Variants in TDP1 observed in about 807,000 individuals in gnomAD.
The protein encoded by TDP1 is tyr-DNA phosphodiesterase 1.
Under a neutral mutation model 81.5 loss-of-function variants are expected in TDP1, and 64 were observed. The observed-to-expected ratio is 0.79, with a 90% CI of 0.64 to 0.97. TDP1 has a LOEUF of 0.97. Among genes scored for constraint, TDP1 ranks in the 50% least tolerant of loss-of-function variants. TDP1 has a pLI of 0.00. For synonymous variants in TDP1, 256 were observed against 264.3 expected (o/e 0.97, Z 0.30); for missense variants, 723 against 743.8 (o/e 0.97, Z 0.33).
chr14:90,039,588 G>A (rs1002228012), intron 16 of TDP1, among the ~76,000 whole-genome samples: 1 of 151,738 alleles, frequency 6.6e-6, no homozygotes, highest in African/African-American at 2.4e-5. Flanking sequence ...TCCTTAACCC[G>A]TGGCCATTTC....
At chr14:89,990,267 T>C (rs1596570703) in intron 12 of TDP1, among the ~76,000 whole-genome samples, 1 of 152,214 alleles carries the variant, frequency 6.6e-6, no homozygotes, top group East Asian at 1.9e-4. Flanking sequence ...CTAAGATTTT[T>C]TGTAGGCATC....
At chr14:90,000,493 T>C (rs908467730) in intron 14 of TDP1, among the ~76,000 whole-genome samples, 2 of 152,164 alleles carry the variant, frequency 1.3e-5, no homozygotes, top group Non-Finnish European at 2.9e-5. Context: ...CAAGCAATTC[T>C]CCTGCCTCAG....
intron 3 of TDP1, 96 bp downstream of exon 3, chr14:89,963,769 C>T: frequency 7.0e-7 from 1 of 1,422,158 alleles, no homozygotes; most frequent in African/African-American, 1.4e-5. Context: ...TTTCTGAGAA[C>T]TCTTCTTTGT....
intron 16 of TDP1, among the ~76,000 whole-genome samples, chr14:90,042,125 TAC>T (rs1453387530): frequency 6.6e-6 from 1 of 152,212 alleles, no homozygotes; most frequent in East Asian, 1.9e-4. Context: ...AGCATTGGTC[TAC>T]AGTTATTTAT....
chr14:90,033,346 C>T (rs879850810), intron 16 of TDP1, 132 bp downstream of exon 16: 1 of 706,764 alleles, frequency 1.4e-6, no homozygotes. Context: ...GCAGAGGGCC[C>T]TTTGCCAGCC....
chr14:90,031,145 A>G (rs1887236925), intron 15 of TDP1, among the ~76,000 whole-genome samples: 2 of 151,768 alleles, frequency 1.3e-5, no homozygotes, highest in African/African-American at 4.8e-5. Flanking sequence ...TTTAGGGTAC[A>G]TGTGCACAAT....
intron 4 of TDP1, 21 bp from the exon 5 acceptor site, chr14:89,967,346 C>T: frequency 6.2e-7 from 1 of 1,612,250 alleles, no homozygotes. Flanking sequence ...GGCTTAGTTA[C>T]TCTTCTTTTC....
chr14:89,995,651 TC>T (rs1248485112), intron 14 of TDP1, among the ~76,000 whole-genome samples: 1 of 152,208 alleles, frequency 6.6e-6, no homozygotes, highest in Non-Finnish European at 1.5e-5. Context: ...AGTAAGGAGC[TC>T]CCTTGATTAG....
chr14:89,999,717 T>C lies in TDP1; in HGVS notation c.1541+6234T>C, dbSNP rs142757487. 3.4e-3 allele frequency among the ~76,000 whole-genome samples: 524 copies of C among 152,346 alleles called. 1 individual carries two copies. The highest frequency in any genetic ancestry group is 0.014 in the Middle Eastern group (4 of 294). On this transcript the variant is annotated intron_variant, in intron 14 of 16. Transcript: ENST00000335725. ...GAGCTGCATATCCAAAAAAGTATTA[T>C]GATCACCCTTTGAAAGTAGGTGCTT...
intron 15 of TDP1, among the ~76,000 whole-genome samples, chr14:90,029,711 C>T (rs1887066041): frequency 6.6e-6 from 1 of 151,994 alleles, no homozygotes; most frequent in African/African-American, 2.4e-5. Flanking sequence ...GTTGATCAGG[C>T]TGGTCTCGAA....
At chr14:90,031,232 A>G (rs1311117365) in intron 15 of TDP1, among the ~76,000 whole-genome samples, 1 of 149,238 alleles carries the variant, frequency 6.7e-6, no homozygotes, top group Non-Finnish European at 1.5e-5. Context: ...AGCATTAGGT[A>G]TATCTCCTAA....
At chr14:89,957,498 C>G (rs1301272946) in intron 2 of TDP1, among the ~76,000 whole-genome samples, 1 of 152,160 alleles carries the variant, frequency 6.6e-6, no homozygotes, top group Non-Finnish European at 1.5e-5. Flanking sequence ...CCATGTTTGC[C>G]TATTACTGGC....
At chr14:90,031,324 G>T (rs946926394) in intron 15 of TDP1, among the ~76,000 whole-genome samples, 2 of 137,570 alleles carry the variant, frequency 1.5e-5, no homozygotes, top group East Asian at 2.2e-4. Flanking sequence ...TGTTCTCATT[G>T]TTCAGTTCCC....
intron 4 of TDP1, 74 bp downstream of exon 4, chr14:89,966,264 TG>T (rs1892936103): frequency 1.0e-6 from 1 of 986,534 alleles, no homozygotes; most frequent in Non-Finnish European, 1.6e-6. Flanking sequence ...TAAGAAAATA[TG>T]AGAGGCATAG....
At chr14:89,967,467 G>T (rs1315658981) in intron 5 of TDP1, 45 bp downstream of exon 5, 5 of 1,509,820 alleles carry the variant, frequency 3.3e-6, no homozygotes, top group Non-Finnish European at 4.6e-6. Flanking sequence ...CTGTAAAGGG[G>T]CTTTGACACC....
rs1223298829 is a variant in TDP1 at position 90,031,771 on chromosome 14, T to C, written c.1645-1335T>C. On this transcript the variant is annotated intron_variant, in intron 15 of 16. Coordinates refer to ENST00000335725, the MANE Select transcript of TDP1 (RefSeq NM_018319.4). ...CTGGGCCTTTGCGGATGCTGTTCCC[T>C]CCACCTGCAACATAATTCTTTCCAC... Among the ~76,000 whole-genome samples the C allele has an allele frequency of 2.0e-5, 3 of 152,136 alleles. No individual in the cohort carries two copies. The East Asian group carries it at 5.8e-4, about 29-fold the overall frequency.
At chr14:89,957,795 C>T (rs1891836876) in intron 2 of TDP1, among the ~76,000 whole-genome samples, 1 of 152,240 alleles carries the variant, frequency 6.6e-6, no homozygotes, top group African/African-American at 2.4e-5. Flanking sequence ...TCACACTCAC[C>T]TGCCTTCTCC....
At chr14:89,966,297 C>G (rs1023067327) in intron 4 of TDP1, 107 bp downstream of exon 4, 1 of 797,404 alleles carries the variant, frequency 1.3e-6, no homozygotes, top group African/African-American at 1.7e-5. Context: ...CAGTCCTGTT[C>G]AAAGACTGAG....
chr14:90,027,542 A>G (rs1269076375), intron 15 of TDP1, among the ~76,000 whole-genome samples: 1 of 152,170 alleles, frequency 6.6e-6, no homozygotes, highest in African/African-American at 2.4e-5. Context: ...TTTTACTAGC[A>G]GTGTGATCCT....
Sources: gnomAD v4.1 joint callset for allele counts (sites outside exome capture counted in the v4.1 genomes callset) on GRCh38, gnomAD v4.1.1 for gene constraint, MANE v1.5 for transcripts, NCBI Gene and HGNC (gene_info 2026-07-23, HGNC 2026-07-21) for gene names.